PMFBP1: variants seen among roughly 807,000 people sequenced by gnomAD.
PMFBP1 encodes polyamine-modulated factor 1-binding protein 1.
PMFBP1 carries 131 observed loss-of-function variants against 137.8 expected under a neutral mutation model. The ratio of observed to expected loss-of-function variants is 0.95; its 90% CI spans 0.82 to 1.10. The LOEUF is 1.10. Ranked by LOEUF, PMFBP1 falls within the 50% of genes least tolerant of loss-of-function variation. The pLI is 0.00. For missense variants in PMFBP1, 1,199 were observed against 1,175.4 expected (o/e 1.02, Z -0.29); for synonymous variants, 490 against 450.4 (o/e 1.09, Z -1.11).
At chr16:72,147,026 T>A (rs1217239522) in intron 5 of PMFBP1, among the ~76,000 whole-genome samples, 1 of 152,310 alleles carries the variant, frequency 6.6e-6, no homozygotes, top group East Asian at 1.9e-4. Flanking sequence ...AAAACTATTT[T>A]AAATTTTATA....
At chr16:72,119,389 C>G (rs199921562) in intron 20 of PMFBP1, 35 bp from the exon 21 acceptor site, 22 of 1,613,976 alleles carry the variant, frequency 1.4e-5, no homozygotes, top group Non-Finnish European at 1.7e-5. Flanking sequence ...AGTTTTGATT[C>G]GAGGAGAAAT....
intron 3 of PMFBP1, among the ~76,000 whole-genome samples, chr16:72,164,160 G>T (rs1049969548): frequency 6.6e-6 from 1 of 152,140 alleles, no homozygotes; most frequent in African/African-American, 2.4e-5. Context: ...CACGCCTCGG[G>T]TTACCTCTGA....
chr16:72,128,170 T>C (rs1364069520), intron 14 of PMFBP1, among the ~76,000 whole-genome samples: 1 of 152,214 alleles, frequency 6.6e-6, no homozygotes, highest in Non-Finnish European at 1.5e-5. Flanking sequence ...ATGGAAGCCA[T>C]GTAAAGAGCT....
At chr16:72,185,956 A>C in the PMFBP1 span, among the ~76,000 whole-genome samples, 8 of 152,314 alleles carry the variant, frequency 5.3e-5, no homozygotes, top group African/African-American at 1.9e-4. Context: ...ATTATAACTG[A>C]CTAGGACAGC....
the PMFBP1 span, among the ~76,000 whole-genome samples, chr16:72,235,476 A>G: frequency 6.8e-6 from 1 of 147,756 alleles, no homozygotes; most frequent in African/African-American, 2.5e-5. Context: ...CCTATTTTTC[A>G]TCACTGTTTT....
chr16:72,229,834 T>G, the PMFBP1 span, among the ~76,000 whole-genome samples: 1 of 152,134 alleles, frequency 6.6e-6, no homozygotes, highest in Non-Finnish European at 1.5e-5. Flanking sequence ...ACCATAAAAA[T>G]TGGCTATTTT....
chr16:72,190,621 T>TGAGCCTAGCTTGGGGTCA, the PMFBP1 span, among the ~76,000 whole-genome samples: 1 of 151,382 alleles, frequency 6.6e-6, no homozygotes, highest in Non-Finnish European at 1.5e-5. Context: ...GGAAAGAGAG[T>TGAGCCTAGCTTGGGGTCA]GAGCCTAGCT....
intron 3 of PMFBP1, among the ~76,000 whole-genome samples, chr16:72,157,425 T>G (rs2042999507): frequency 6.6e-6 from 1 of 152,010 alleles, no homozygotes; most frequent in African/African-American, 2.4e-5. Context: ...AACCGAAACT[T>G]GAAGGAGGCA....
chr16:72,149,664 A>G (rs1306198698), intron 5 of PMFBP1, among the ~76,000 whole-genome samples: 1 of 152,124 alleles, frequency 6.6e-6, no homozygotes, highest in East Asian at 1.9e-4. Context: ...CTCTACTAAA[A>G]ACACAAAAAC....
chr16:72,249,470 T>A, the PMFBP1 span, among the ~76,000 whole-genome samples: 3 of 151,980 alleles, frequency 2.0e-5, no homozygotes, highest in African/African-American at 4.8e-5. Context: ...AATTTGTTAG[T>A]TTTTTTTAAC....
At chr16:72,181,632 G>T (rs1361490573), upstream of PMFBP1, among the ~76,000 whole-genome samples, 1 of 152,128 alleles carries the variant, frequency 6.6e-6, no homozygotes, top group African/African-American at 2.4e-5. Context: ...CATTATAAAA[G>T]ACTTGTTATT....
chr16:72,166,643 CAG>C (rs2043149278), intron 2 of PMFBP1, among the ~76,000 whole-genome samples: 1 of 152,184 alleles, frequency 6.6e-6, no homozygotes, highest in African/African-American at 2.4e-5. Flanking sequence ...GGTACATTTT[CAG>C]AGAGTCCTGT....
At chr16:72,217,366 T>C in the PMFBP1 span, among the ~76,000 whole-genome samples, 2 of 152,134 alleles carry the variant, frequency 1.3e-5, no homozygotes, top group Admixed American at 6.5e-5. Context: ...TCTCTCAGAA[T>C]GCTTTTGTTG....
the PMFBP1 span, among the ~76,000 whole-genome samples, chr16:72,208,444 T>C: frequency 3.3e-5 from 5 of 152,262 alleles, no homozygotes; most frequent in Non-Finnish European, 7.3e-5. Context: ...TAGACATTTG[T>C]TCTGTCATTC....
chr16:72,241,301 A>G, the PMFBP1 span, among the ~76,000 whole-genome samples: 2 of 152,234 alleles, frequency 1.3e-5, no homozygotes, highest in Non-Finnish European at 2.9e-5. Context: ...TAATGAGGAT[A>G]GCATTTCCCT....
rs529969680 is a variant in PMFBP1, at chr16:72,165,563, C to T, written c.13-647G>A. On this transcript the variant is annotated intron_variant, in intron 2 of 20. Transcript: ENST00000237353. ...CCTCCTGAGTAGTTGGGACTACAGG[C>T]ACCCGCCACCATGCCCGGCTAATTT... Among the ~76,000 whole-genome samples, 13 of 152,164 alleles carry T rather than the reference C, an allele frequency of 8.5e-5. No homozygotes were observed. In the East Asian group the frequency reaches 2.5e-3, roughly 29 times the overall value.
At chr16:72,135,740 G>GTTTTTT (rs869189990) in intron 9 of PMFBP1, among the ~76,000 whole-genome samples, 46 of 66,824 alleles carry the variant, frequency 6.9e-4, no homozygotes, top group East Asian at 1.0e-3. Flanking sequence ...TAATTTTTCT[G>GTTTTTT]TTTTTTTTTT....
chr16:72,167,848 C>G (rs984703641), intron 2 of PMFBP1, among the ~76,000 whole-genome samples: 2 of 152,224 alleles, frequency 1.3e-5, no homozygotes, highest in Non-Finnish European at 2.9e-5. Context: ...GACCAGCACA[C>G]TGAGGGCTCA....
intron 10 of PMFBP1, 22 bp downstream of exon 10, chr16:72,132,726 A>C (rs200352625): frequency 1.9e-6 from 3 of 1,613,938 alleles, no homozygotes; most frequent in Non-Finnish European, 2.5e-6. Context: ...GTGTGGTGGG[A>C]CAGCACCTGC....
Sources: gnomAD v4.1 joint callset for allele counts (sites outside exome capture counted in the v4.1 genomes callset) on GRCh38, gnomAD v4.1.1 for gene constraint, MANE v1.5 for transcripts, NCBI Gene and HGNC (gene_info 2026-07-23, HGNC 2026-07-21) for gene names.